The following PTGER4 variants were observed in gnomAD, a reference collection of about 807,000 sequenced individuals.
PTGER4 encodes the protein prostaglandin E receptor 4, also known as prostaglandin E2 receptor EP4 subtype.
Under a neutral mutation model 33.2 loss-of-function variants are expected in PTGER4, and 11 were observed. That is an observed-to-expected ratio of 0.33 (90% confidence interval 0.21 to 0.55). The LOEUF is 0.55. PTGER4 is among the 20% of genes least tolerant of loss of function. PTGER4 has a pLI of 0.92. For missense variants in PTGER4, 481 were observed against 650.2 expected (o/e 0.74, Z 2.83); for synonymous variants, 275 against 281.5 (o/e 0.98, Z 0.23).
chr5:40,736,280 T>C, the PTGER4 span, among the ~76,000 whole-genome samples: 2 of 152,248 alleles, frequency 1.3e-5, no homozygotes, highest in African/African-American at 2.4e-5. Context: ...AAAACCACTG[T>C]CATTAAATAT....
chr5:40,706,748 A>T, the PTGER4 span, among the ~76,000 whole-genome samples: 1 of 152,048 alleles, frequency 6.6e-6, no homozygotes, highest in South Asian at 2.1e-4. Flanking sequence ...TTTAAAAGGT[A>T]TCATTATGAA....
intron 2 of PTGER4, among the ~76,000 whole-genome samples, chr5:40,684,034 C>T (rs1741260742): frequency 6.6e-6 from 1 of 151,586 alleles, no homozygotes; most frequent in Non-Finnish European, 1.5e-5. Context: ...ATCAGTTTGT[C>T]GCCTTTAGTT....
chr5:40,730,745 T>G, the PTGER4 span, among the ~76,000 whole-genome samples: 1 of 152,134 alleles, frequency 6.6e-6, no homozygotes. Flanking sequence ...GATTAGCAAA[T>G]TAAGTCCAGC....
At chr5:40,744,487 GTT>G in the PTGER4 span, among the ~76,000 whole-genome samples, 3 of 136,408 alleles carry the variant, frequency 2.2e-5, no homozygotes, top group Admixed American at 2.2e-4. Flanking sequence ...ACTCTTACCA[GTT>G]TTTTTTTTTT....
the PTGER4 span, among the ~76,000 whole-genome samples, chr5:40,713,102 G>GA: frequency 2.6e-5 from 4 of 151,642 alleles, no homozygotes; most frequent in South Asian, 2.1e-4. Flanking sequence ...CTCTAAGGAA[G>GA]AAAAAAACAC....
chr5:40,710,485 T>C, the PTGER4 span, among the ~76,000 whole-genome samples: 1 of 152,190 alleles, frequency 6.6e-6, no homozygotes, highest in African/African-American at 2.4e-5. Context: ...GGTGGGACTG[T>C]TAACTAGTTC....
intron 2 of PTGER4, among the ~76,000 whole-genome samples, chr5:40,684,130 C>CCG (rs1741269680): frequency 8.6e-6 from 1 of 115,786 alleles, no homozygotes; most frequent in African/African-American, 3.4e-5. Flanking sequence ...ACCCACCCCC[C>CCG]CCCCCACAAT....
the PTGER4 span, among the ~76,000 whole-genome samples, chr5:40,744,480 C>T: frequency 1.3e-4 from 16 of 121,034 alleles, no homozygotes; most frequent in South Asian, 2.8e-4. Context: ...TATCACCACT[C>T]TTACCAGTTT....
At chr5:40,735,895 G>A in the PTGER4 span, among the ~76,000 whole-genome samples, 2 of 152,218 alleles carry the variant, frequency 1.3e-5, no homozygotes, top group African/African-American at 4.8e-5. Flanking sequence ...GATTCATGGG[G>A]ACAGAAATAT....
the PTGER4 span, among the ~76,000 whole-genome samples, chr5:40,706,832 C>T: frequency 3.3e-5 from 5 of 152,146 alleles, no homozygotes; most frequent in Non-Finnish European, 5.9e-5. Flanking sequence ...GCTGATCTCT[C>T]GGCAGAAACT....
At chr5:40,738,514 C>A in the PTGER4 span, among the ~76,000 whole-genome samples, 12,547 of 75,978 alleles carry the variant, frequency 0.17, 1,294 homozygotes, top group East Asian at 0.27. Flanking sequence ...CAATAAAATA[C>A]AATAAAATAA....
At chr5:40,703,029 T>A in the PTGER4 span, among the ~76,000 whole-genome samples, 11 of 152,134 alleles carry the variant, frequency 7.2e-5, no homozygotes, top group African/African-American at 2.4e-4. Context: ...TTAAGGGAAA[T>A]TCATAGCACT....
At chr5:40,741,869 A>C in the PTGER4 span, among the ~76,000 whole-genome samples, 4 of 152,058 alleles carry the variant, frequency 2.6e-5, no homozygotes, top group Admixed American at 6.5e-5. Flanking sequence ...CACACCTGTA[A>C]TCCCAGCTAC....
the PTGER4 span, chr5:40,728,577 T>A: frequency 1.7e-6 from 2 of 1,160,770 alleles, no homozygotes; most frequent in Non-Finnish European, 2.3e-6. Flanking sequence ...TTTAGTCCAG[T>A]AAAAATAGCA....
At chr5:40,734,056 A>T in the PTGER4 span, among the ~76,000 whole-genome samples, 1 of 152,228 alleles carries the variant, frequency 6.6e-6, no homozygotes, top group Non-Finnish European at 1.5e-5. Flanking sequence ...GTTGCCAACG[A>T]GGCCTATAAA....
the PTGER4 span, among the ~76,000 whole-genome samples, chr5:40,703,511 A>G: frequency 6.6e-6 from 1 of 152,278 alleles, no homozygotes; most frequent in South Asian, 2.1e-4. Context: ...TAGCCTGCCA[A>G]TCAAAAAAAG....
chr5:40,713,851 GT>G, the PTGER4 span, among the ~76,000 whole-genome samples: 21 of 151,846 alleles, frequency 1.4e-4, no homozygotes, highest in African/African-American at 4.8e-4. Context: ...CTTAGTCTAT[GT>G]TTGTATATCA....
the PTGER4 span, among the ~76,000 whole-genome samples, chr5:40,717,609 T>C: frequency 6.6e-6 from 1 of 152,206 alleles, no homozygotes; most frequent in East Asian, 1.9e-4. Context: ...CCTTTCCTAG[T>C]TGTGATAAAC....
chr5:40,704,646 A>G, the PTGER4 span, among the ~76,000 whole-genome samples: 5 of 152,348 alleles, frequency 3.3e-5, no homozygotes, highest in African/African-American at 1.2e-4. Flanking sequence ...ATACAAAATC[A>G]TTATACAAAA....
Sources: gnomAD v4.1 joint callset for allele counts (sites outside exome capture counted in the v4.1 genomes callset) on GRCh38, gnomAD v4.1.1 for gene constraint, MANE v1.5 for transcripts, NCBI Gene and HGNC (gene_info 2026-07-23, HGNC 2026-07-21) for gene names.